The following SV2C variants were observed in gnomAD, a reference collection of about 807,000 sequenced individuals.
SV2C encodes the protein solute carrier family 22 member B3.
A neutral mutation model predicts 79.7 loss-of-function variants in SV2C; 49 were observed. That is an observed-to-expected ratio of 0.61 (90% confidence interval 0.49 to 0.78). The LOEUF (loss-of-function observed/expected upper bound fraction) is 0.78. Among genes scored for constraint, SV2C ranks in the 30% least tolerant of loss-of-function variants. The probability of loss-of-function intolerance (pLI) is 0.00; values close to 1 mark genes in which losing one functional copy is unlikely to be tolerated. For missense variants in SV2C, 833 were observed against 912.9 expected, an observed-to-expected ratio of 0.91 and a Z score of 1.13; for synonymous variants, 334 against 333.2, an observed-to-expected ratio of 1.00 and a Z score of -0.03.
upstream of SV2C, chr5:76,079,406 G>A (rs1264848036): frequency 3.4e-6 from 1 of 298,248 alleles, no homozygotes; most frequent in African/African-American, 2.2e-5. Context: ...TCTTAAAGGA[G>A]GCTGCTATCA....
intron 4 of SV2C, among the ~76,000 whole-genome samples, chr5:76,218,811 A>C (rs1744979459): frequency 2.0e-3 from 1 of 504 alleles, no homozygotes. Context: ...GCATACAAAA[A>C]GTGCCTGACA....
chr5:76,182,918 A>AGTGTGTGTGTGTGT (rs577550259), intron 2 of SV2C, among the ~76,000 whole-genome samples: 5 of 141,146 alleles, frequency 3.5e-5, no homozygotes, highest in African/African-American at 1.4e-4. Flanking sequence ...TGAGAGAGAG[A>AGTGTGTGTGTGTGT]GTGTGTGTGT....
chr5:76,301,196 A>G (rs970200545), intron 11 of SV2C, among the ~76,000 whole-genome samples, 190 bp from the exon 12 acceptor site: 9 of 152,200 alleles, frequency 5.9e-5, no homozygotes, highest in Non-Finnish European at 1.0e-4. Context: ...TATGCATTTC[A>G]TACTTTCTGT....
chr5:76,186,194 A>G (rs990393143), intron 2 of SV2C, among the ~76,000 whole-genome samples: 3 of 152,174 alleles, frequency 2.0e-5, no homozygotes, highest in Non-Finnish European at 1.5e-5. Context: ...ACAAGTCTCT[A>G]AGAAGTCCCA....
At chr5:75,867,890 G>A in the SV2C span, among the ~76,000 whole-genome samples, 1 of 152,206 alleles carries the variant, frequency 6.6e-6, no homozygotes, top group Non-Finnish European at 1.5e-5. Context: ...TGCATACTAT[G>A]TGCCAGGCAC....
intron 2 of SV2C, chr5:76,173,712 A>G (rs1743407877): frequency 1.2e-6 from 2 of 1,613,546 alleles, no homozygotes; most frequent in South Asian, 2.2e-5. Context: ...AGGTCATAAA[A>G]GATCTCATTA....
At chr5:76,005,963 CAT>C in the SV2C span, among the ~76,000 whole-genome samples, 4 of 152,168 alleles carry the variant, frequency 2.6e-5, no homozygotes, top group Non-Finnish European at 4.4e-5. Flanking sequence ...GTGCAATACT[CAT>C]GTGTGCATGT....
At chr5:76,230,371 A>G (rs73766725) in intron 4 of SV2C, among the ~76,000 whole-genome samples, 17,855 of 152,158 alleles carry the variant, frequency 0.12, 3,039 homozygotes, top group African/African-American at 0.38. Flanking sequence ...GTACCATGAT[A>G]TGGTCATGGG....
chr5:76,279,659 A>C (rs186923433), intron 4 of SV2C, among the ~76,000 whole-genome samples: 202 of 152,270 alleles, frequency 1.3e-3, no homozygotes, highest in Non-Finnish European at 2.5e-3. Context: ...GGGTGAGAAT[A>C]CTGGGGGAGA....
rs943280955 is a variant in SV2C at position 76,272,446 on chromosome 5, G to T, written c.914-12716G>T. Among the ~76,000 whole-genome samples the T allele has an allele frequency of 1.3e-4, 20 of 152,192 alleles. 1 individual carries two copies. Among genetic ancestry groups the T allele is most frequent in the Admixed American group, 1.3e-3 (20 of 15,288 alleles). On this transcript the variant is annotated intron_variant, in intron 4 of 12. Transcript: ENST00000502798. ...AGAATGAGAACCATGCAGTTGTTTGGAATACTATTGTTGGGCTTTTTGGGT... is the reference window on the plus strand; with the variant it reads ...AGAATGAGAACCATGCAGTTGTTTGTAATACTATTGTTGGGCTTTTTGGGT...
rs1029359627 is a variant in SV2C at position 76,328,420 on chromosome 5, G to A, written c.*2873G>A. ...TATTATCACAGAATCTTCTCAGTAG[G>A]GAAAAACAAACAACTGCTTCAAACT... On this transcript the variant is annotated 3_prime_UTR_variant, in exon 13 of 13. Transcript: ENST00000502798. 1 of 152,106 alleles carries A rather than the reference G, an allele frequency of 6.6e-6. No individual in the cohort carries two copies. Among genetic ancestry groups the A allele is most frequent in the African/African-American group, 2.4e-5 (1 of 41,380 alleles). The allele number at this position is 152,106 out of a possible 1,614,324, so 9.4% of individuals were successfully genotyped here.
the SV2C span, among the ~76,000 whole-genome samples, chr5:75,985,477 C>T: frequency 6.6e-6 from 1 of 152,098 alleles, no homozygotes; most frequent in South Asian, 2.1e-4. Context: ...AGCCTGTGCT[C>T]TCTCCAGGAT....
intron 4 of SV2C, among the ~76,000 whole-genome samples, chr5:76,265,830 T>C (rs140922603): frequency 3.0e-4 from 45 of 152,294 alleles, no homozygotes; most frequent in African/African-American, 1.0e-3. Context: ...CCCAGTGAGA[T>C]GAACAGTGTA....
the SV2C span, chr5:75,921,008 C>T: frequency 3.4e-4 from 241 of 708,682 alleles, 2 homozygotes; most frequent in South Asian, 9.7e-4. Flanking sequence ...CGAGTCCTCG[C>T]GGTAGTTCTC....
At chr5:76,023,001 C>T in the SV2C span, among the ~76,000 whole-genome samples, 4 of 152,278 alleles carry the variant, frequency 2.6e-5, no homozygotes, top group Admixed American at 6.5e-5. Context: ...GTTGTGGCAG[C>T]GGTGGTTTCT....
At chr5:75,921,700 C>T in the SV2C span, 1 of 537,230 alleles carries the variant, frequency 1.9e-6, no homozygotes, top group Non-Finnish European at 3.5e-6. Flanking sequence ...ATATACCCAG[C>T]AAAGAACAGA....
the SV2C span, among the ~76,000 whole-genome samples, chr5:75,991,855 A>G: frequency 6.6e-6 from 1 of 151,728 alleles, no homozygotes; most frequent in African/African-American, 2.4e-5. Context: ...TCTATCATAT[A>G]CTAAATTTGT....
chr5:76,321,574 T>C lies in SV2C; in HGVS notation c.2001-3790T>C, dbSNP rs545487019. On this transcript the variant is annotated intron_variant, in intron 12 of 12. Coordinates refer to ENST00000502798, the MANE Select transcript of SV2C (RefSeq NM_014979.4). ...GGGCAATATGATGAAACCCCATCTC[T>C]ACAAAAAAATACAATAATTAGCTGG... Among the ~76,000 whole-genome samples the C allele has an allele frequency of 1.9e-4, 29 of 151,936 alleles. No homozygotes were observed. The South Asian group carries it at 5.2e-3, about 27-fold the overall frequency.
chr5:76,154,487 C>T (rs1742661027), intron 2 of SV2C, among the ~76,000 whole-genome samples: 1 of 152,150 alleles, frequency 6.6e-6, no homozygotes, highest in African/African-American at 2.4e-5. Context: ...GATGGAATCA[C>T]TAGGTGGTAT....
Sources: allele counts gnomAD v4.1 joint callset (sites outside exome capture counted in the v4.1 genomes callset), GRCh38; gene constraint gnomAD v4.1.1; transcripts MANE v1.5; gene names NCBI Gene and HGNC (gene_info 2026-07-23, HGNC 2026-07-21).